The following ABR variants were observed in gnomAD, a reference collection of about 807,000 sequenced individuals.
ABR encodes the protein active breakpoint cluster region-related protein.
In ABR, 35 loss-of-function variants were observed where a neutral mutation model predicts 107.2. That is an observed-to-expected ratio of 0.33 (90% confidence interval 0.25 to 0.43). The LOEUF is 0.43. ABR is among the 20% of genes least tolerant of loss of function. The pLI is 1.00. For synonymous variants in ABR, 498 were observed against 462.0 expected (o/e 1.08, Z -1.00); for missense variants, 815 against 1,115.2 (o/e 0.73, Z 3.83).
chr17:1,036,780 G>C (rs2073213630), intron 16 of ABR, among the ~76,000 whole-genome samples: 1 of 152,092 alleles, frequency 6.6e-6, no homozygotes, highest in Admixed American at 6.5e-5. Context: ...ACCATTTCCT[G>C]TACCGACCCT....
upstream of ABR, among the ~76,000 whole-genome samples, chr17:1,184,607 C>T (rs1247350411): frequency 6.6e-6 from 1 of 151,972 alleles, no homozygotes; most frequent in Non-Finnish European, 1.5e-5. Flanking sequence ...CCCAGCAGAT[C>T]GGCATTCAAT....
intron 1 of ABR, among the ~76,000 whole-genome samples, chr17:1,205,214 T>C (rs1210151708): frequency 6.6e-6 from 1 of 152,202 alleles, no homozygotes; most frequent in Non-Finnish European, 1.5e-5. Context: ...ATCCCCATTA[T>C]TAAGAGACTG....
chr17:1,083,576 G>C lies in ABR; in HGVS notation c.583C>G (p.Leu195Val). The C allele has an allele frequency of 6.2e-7, 1 of 1,613,610 alleles. No homozygotes were observed. Among genetic ancestry groups the C allele is most frequent in the Non-Finnish European group, 8.5e-7 (1 of 1,179,748 alleles). The change falls in exon 5 of 23, where the codon CTG (leucine) becomes GTG (valine). Residue 195 changes from leucine (L) to valine (V), a missense_variant. By Grantham distance (32) the Leu-to-Val change is conservative (BLOSUM62 1). Coordinates refer to ENST00000302538, the MANE Select transcript of ABR (RefSeq NM_021962.5). ...KAFVDNYKVA[L>V]ETAEKCSQSN... is the part of the protein sequence containing the mutation. ...TGGCTGCACTTCTCAGCTGTCTCCA[G>C]AGCGACTTTATAGTTATCGACAAAC...
At chr17:1,117,016 T>C (rs1359320312) in intron 2 of ABR, among the ~76,000 whole-genome samples, 3 of 152,158 alleles carry the variant, frequency 2.0e-5, no homozygotes, top group Non-Finnish European at 4.4e-5. Context: ...TTCACGCACC[T>C]ACCAGCAACC....
At chr17:1,086,911 A>T (rs2036627725) in intron 4 of ABR, among the ~76,000 whole-genome samples, 1 of 151,592 alleles carries the variant, frequency 6.6e-6, no homozygotes, top group South Asian at 2.1e-4. Context: ...GTTCAAGTCC[A>T]GCCTGGACAA....
intron 1 of ABR, among the ~76,000 whole-genome samples, chr17:1,161,877 G>A (rs2041311413): frequency 6.6e-6 from 1 of 152,076 alleles, no homozygotes; most frequent in South Asian, 2.1e-4. Context: ...TTTTACAGCC[G>A]GGCCGAAGGC....
rs543627972 is a variant in ABR, at chr17:1,127,543, G to A, written c.62-2176C>T. Among the ~76,000 whole-genome samples the A allele has an allele frequency of 2.0e-5, 3 of 152,194 alleles. No individual in the cohort carries two copies. In the South Asian group the frequency reaches 6.2e-4, roughly 32 times the overall value. On this transcript the variant is annotated intron_variant, in intron 1 of 22. Transcript: ENST00000302538. ...CGTTTGGTGACACCCCCTCACTCTG[G>A]AGAAGCACAGGAGGGGATGGAAGGC... is the stretch of plus-strand genomic sequence containing the variant.
intron 2 of ABR, among the ~76,000 whole-genome samples, chr17:1,112,458 T>C (rs2038728457): frequency 6.6e-6 from 1 of 152,146 alleles, no homozygotes; most frequent in Admixed American, 6.5e-5. Context: ...AGCAACCCGG[T>C]TGCAGTGGCG....
intron 2 of ABR, among the ~76,000 whole-genome samples, chr17:1,111,945 A>G (rs749995656): frequency 3.3e-5 from 5 of 152,150 alleles, no homozygotes; most frequent in Non-Finnish European, 5.9e-5. Flanking sequence ...CTCCTTCTGA[A>G]ACAGCTTCCC....
At chr17:1,215,552 C>T (rs2042984566) in intron 1 of ABR, among the ~76,000 whole-genome samples, 1 of 152,140 alleles carries the variant, frequency 6.6e-6, no homozygotes, top group Admixed American at 6.5e-5. Flanking sequence ...TCAATGGTGC[C>T]CAGGCTGGAG....
At chr17:1,153,475 T>G (rs76344344) in intron 1 of ABR, among the ~76,000 whole-genome samples, 1 of 105,166 alleles carries the variant, frequency 9.5e-6, no homozygotes, top group Non-Finnish European at 1.8e-5. Flanking sequence ...GGGCTGGGGG[T>G]CCAGGCACAC....
intron 1 of ABR, chr17:1,153,977 T>TCGGCAG (rs2040935931): frequency 1.2e-5 from 2 of 167,120 alleles, no homozygotes; most frequent in Non-Finnish European, 2.6e-5. Context: ...GATGCAATTC[T>TCGGCAG]CGGCAGCGAG....
At chr17:1,136,263 C>A (rs527740616) in intron 1 of ABR, among the ~76,000 whole-genome samples, 14 of 152,320 alleles carry the variant, frequency 9.2e-5, no homozygotes, top group African/African-American at 3.4e-4. Flanking sequence ...GAGTCTGGCT[C>A]TGTTGCCCAG....
intron 2 of ABR, among the ~76,000 whole-genome samples, chr17:1,106,085 T>C (rs2038226631): frequency 6.6e-6 from 1 of 152,182 alleles, no homozygotes; most frequent in African/African-American, 2.4e-5. Flanking sequence ...TTTATTTGCA[T>C]TACCAGTTTT....
At chr17:1,229,590 T>C (rs1463583198) in exon 1 of ABR, among the ~76,000 whole-genome samples, 1 of 151,196 alleles carries the variant, frequency 6.6e-6, no homozygotes, top group Non-Finnish European at 1.5e-5. Context: ...CCCGGGGAAC[T>C]CGGCCCGCCA....
At chr17:1,061,489 G>C (rs1344628983) in intron 10 of ABR, among the ~76,000 whole-genome samples, 1 of 152,080 alleles carries the variant, frequency 6.6e-6, no homozygotes. Flanking sequence ...TGAGTTGAAA[G>C]GATCCTCAGA....
In ABR at chr17:1,148,893, T is replaced by TTTTTTG. The variant is rs994533415; in HGVS notation, c.62-23532_62-23527dup. On this transcript the variant is annotated intron_variant, in intron 1 of 22. Coordinates refer to ENST00000302538, the MANE Select transcript of ABR (RefSeq NM_021962.5). This position sits in a 1 kb window ranked among gnomAD's most constrained non-coding sequence, Gnocchi z 4.9. Reference sequence around the variant, plus strand: ...TGTATTTTGCCATGATTTTCTTTTGTTTTTTGTTTTTGTTTTTGTTTTTTT... The same window carrying TTTTTTG: ...TGTATTTTGCCATGATTTTCTTTTGTTTTTTGTTTTTGTTTTTGTTTTTGTTTTTTT... 3.3e-5 allele frequency among the ~76,000 whole-genome samples: 5 copies of TTTTTTG among 152,058 alleles called. No individual in the cohort carries two copies. Among genetic ancestry groups the TTTTTTG allele is most frequent in the African/African-American group, 1.2e-4 (5 of 41,406 alleles).
At chr17:1,038,476 G>A (rs1178033134) in intron 16 of ABR, among the ~76,000 whole-genome samples, 1 of 152,236 alleles carries the variant, frequency 6.6e-6, no homozygotes, top group African/African-American at 2.4e-5. Flanking sequence ...TAGTGGGTCA[G>A]GCGGGTGTGT....
At chr17:1,124,533 T>C (rs975159530) in intron 2 of ABR, among the ~76,000 whole-genome samples, 1 of 152,266 alleles carries the variant, frequency 6.6e-6, no homozygotes, top group African/African-American at 2.4e-5. Flanking sequence ...CGTCAGTCCC[T>C]GTCGCCAGGA....
Sources: allele counts gnomAD v4.1 joint callset (sites outside exome capture counted in the v4.1 genomes callset), GRCh38; gene constraint gnomAD v4.1.1; non-coding constraint Gnocchi (gnomAD v3.1); transcripts MANE v1.5; gene names NCBI Gene and HGNC (gene_info 2026-07-23, HGNC 2026-07-21).